Variants in TRIM38 observed in about 807,000 individuals in gnomAD.
TRIM38 encodes the protein tripartite motif containing 38, also known as E3 ubiquitin-protein ligase TRIM38.
TRIM38 carries 35 observed loss-of-function variants against 35.8 expected under a neutral mutation model. The ratio of observed to expected loss-of-function variants is 0.98; its 90% confidence interval spans 0.75 to 1.30. TRIM38 has a LOEUF of 1.30. Ranked by LOEUF, TRIM38 falls within the 50% of genes most tolerant of loss-of-function variation. TRIM38 has a pLI of 0.00. For missense variants in TRIM38, 545 were observed against 556.9 expected, an observed-to-expected ratio of 0.98 and a Z score of 0.21; for synonymous variants, 198 against 204.7, an observed-to-expected ratio of 0.97 and a Z score of 0.28.
At chr6:25,974,775 A>C in intron 7 of TRIM38, 2 of 621,796 alleles carry the variant, frequency 3.2e-6, no homozygotes, top group Non-Finnish European at 4.0e-6. Context: ...TTCTAAACTA[A>C]TTTGAATGGC....
At chr6:25,978,736 G>A (rs1184321348) in intron 7 of TRIM38, among the ~76,000 whole-genome samples, 1 of 151,844 alleles carries the variant, frequency 6.6e-6, no homozygotes, top group Non-Finnish European at 1.5e-5. Flanking sequence ...GCGCAATCTC[G>A]ACTCACTGCA....
In TRIM38 at chr6:25,983,553, G is replaced by GT; in HGVS notation, c.1266dup (p.Val423CysfsTer5). 6.2e-7 allele frequency: 1 copy of GT among 1,614,066 alleles called. No individual in the cohort carries two copies. Among genetic ancestry groups the GT allele is most frequent in the African/African-American group, 1.3e-5 (1 of 75,002 alleles). On this transcript the variant is annotated frameshift_variant, in exon 8 of 8. Coordinates refer to ENST00000357085, the MANE Select transcript of TRIM38 (RefSeq NM_006355.5). LOFTEE classifies it low-confidence loss of function (END_TRUNC). ...AATTTTTCTGGACTATGAGGCCGGA[G>GT]TTGTATCCTTTTATAACGGGAATAC...
chr6:25,965,091 G>T (rs1406517812), intron 2 of TRIM38, among the ~76,000 whole-genome samples: 1 of 152,192 alleles, frequency 6.6e-6, no homozygotes, highest in African/African-American at 2.4e-5. Context: ...AGGATTACAG[G>T]CGTGAGCCAC....
Position 25,973,079 on chromosome 6 carries a change from A to G in TRIM38, c.761+3A>G, listed in dbSNP as rs368272084. The G allele has an allele frequency of 1.3e-5, 21 of 1,614,052 alleles. No individual in the cohort carries two copies. The East Asian group carries it at 1.3e-4, about 10-fold the overall frequency. On this transcript the variant is annotated splice_donor_region_variant and intron_variant, in intron 6 of 7. Coordinates refer to ENST00000357085, the MANE Select transcript of TRIM38 (RefSeq NM_006355.5). ...AATGTGAATGACACTTTGAGCAGGTAAGTCCTGTTTGAATGCAGGAGGGGA... is the reference window on the plus strand; with the variant it reads ...AATGTGAATGACACTTTGAGCAGGTGAGTCCTGTTTGAATGCAGGAGGGGA...
chr6:25,987,088 T>G lies in TRIM38; in HGVS notation c.*3401T>G, dbSNP rs1454131852. Reference sequence around the variant, plus strand: ...CATATTAAAAAACAGAGAAGGGACATCGAATAGATGACCAACAATCTCCTT... The same window carrying G: ...CATATTAAAAAACAGAGAAGGGACAGCGAATAGATGACCAACAATCTCCTT... On this transcript the variant is annotated 3_prime_UTR_variant, in exon 8 of 8. Transcript: ENST00000357085. The G allele has an allele frequency of 6.6e-6, 1 of 151,898 alleles. No individual in the cohort carries two copies. The highest frequency in any genetic ancestry group is 1.5e-5 in the Non-Finnish European group (1 of 68,032). The allele number at this position is 151,898 out of a possible 1,614,324, so 9.4% of individuals were successfully genotyped here. A position where few individuals can be genotyped will look rare whatever the true frequency, so the allele number is the denominator to read the frequency against.
chr6:25,989,584 C>T lies in TRIM38; in HGVS notation c.*5897C>T, dbSNP rs1760794311. 7.0e-6 allele frequency: 1 copy of T among 143,796 alleles called. No homozygotes were observed. The highest frequency in any genetic ancestry group is 1.5e-5 in the Non-Finnish European group (1 of 66,140). 8.9% of individuals were successfully genotyped at this position (143,796 alleles called of 1,614,324 possible). ...GCCCAGGCTGGTCTCGAACTCCAGG[C>T]CTAAAATGATCCTCCTGCCTTGGCC... On this transcript the variant is annotated 3_prime_UTR_variant, in exon 8 of 8. Transcript: ENST00000357085.
intron 7 of TRIM38, among the ~76,000 whole-genome samples, chr6:25,978,663 G>A (rs939772558): frequency 6.6e-6 from 1 of 151,968 alleles, no homozygotes; most frequent in African/African-American, 2.4e-5. Context: ...ACCATACCTG[G>A]CTAATTTTTT....
At position 25,988,819 on chromosome 6, in the gene TRIM38, C is replaced by G. The variant is rs1268119844; in HGVS notation, c.*5132C>G. The G allele has an allele frequency of 6.6e-6, 1 of 152,172 alleles. No individual in the cohort carries two copies. Among genetic ancestry groups the G allele is most frequent in the Non-Finnish European group, 1.5e-5 (1 of 68,028 alleles). The allele number at this position is 152,172 out of a possible 1,614,324, so 9.4% of individuals were successfully genotyped here. A position where few individuals can be genotyped will look rare whatever the true frequency, so the allele number is the denominator to read the frequency against. ...TATCCACTTACCTACTGAAAGACAT[C>G]TTGTTTCCAAGTTTTGGATAAATTA... On this transcript the variant is annotated 3_prime_UTR_variant, in exon 8 of 8. Transcript: ENST00000357085.
In TRIM38 at chr6:25,971,974, G is replaced by C. The variant is rs138419533; in HGVS notation, c.613G>C (p.Glu205Gln). Residue 205 changes from glutamate to glutamine, a missense_variant, in exon 5 of 8, where the codon GAA (glutamate) becomes CAA (glutamine). Transcript: ENST00000357085. Reference sequence around the variant, plus strand: ...TTATCTCTGGAGGCTGGAGAAAGAAGAACAACAGACTCTGAGTAGACTGAG... The same window carrying C: ...TTATCTCTGGAGGCTGGAGAAAGAACAACAACAGACTCTGAGTAGACTGAG... ...KSYLWRLEKE[E>Q]QQTLSRLRDY... The C allele has an allele frequency of 3.1e-6, 5 of 1,614,042 alleles. No homozygotes were observed. Among genetic ancestry groups the C allele is most frequent in the Non-Finnish European group, 4.2e-6 (5 of 1,180,034 alleles).
chr6:25,980,409 T>G (rs889907587), intron 7 of TRIM38, among the ~76,000 whole-genome samples: 1 of 151,856 alleles, frequency 6.6e-6, no homozygotes, highest in African/African-American at 2.4e-5. Context: ...TTTAGGTGAC[T>G]CCTTTCATTC....
chr6:25,976,294 G>T (rs188662638), intron 7 of TRIM38, among the ~76,000 whole-genome samples: 37 of 152,200 alleles, frequency 2.4e-4, no homozygotes, highest in African/African-American at 8.2e-4. Flanking sequence ...TTTAGACAGG[G>T]TCTCACTCTG....
chr6:25,981,441 C>G (rs1188504936), intron 7 of TRIM38, among the ~76,000 whole-genome samples: 3 of 152,214 alleles, frequency 2.0e-5, no homozygotes, highest in Non-Finnish European at 4.4e-5. Context: ...TGTCACAGAC[C>G]AACTGATCAA....
intron 2 of TRIM38, among the ~76,000 whole-genome samples, chr6:25,964,135 A>T (rs1350201911): frequency 6.6e-6 from 1 of 152,166 alleles, no homozygotes; most frequent in Non-Finnish European, 1.5e-5. Flanking sequence ...AAATTTATTA[A>T]CAAGTACATG....
rs1035630696 is a variant in TRIM38, at chr6:25,973,724, A to G, written c.874+439A>G. 6 of 985,332 alleles carry G rather than the reference A, an allele frequency of 6.1e-6. No individual in the cohort carries two copies. The African/African-American group carries it at 1.0e-4, about 17-fold the overall frequency. 61.0% of individuals were successfully genotyped at this position (985,332 alleles called of 1,614,324 possible). On this transcript the variant is annotated intron_variant, in intron 7 of 7. Coordinates refer to ENST00000357085, the MANE Select transcript of TRIM38 (RefSeq NM_006355.5). ...AATAGCTCAGCCAACTCTTAGAGCA[A>G]TGCAAGAAAAGTAGGTGAGTATGAT...
rs1330117569 is a variant in TRIM38 at position 25,987,450 on chromosome 6, G to T, written c.*3763G>T. On this transcript the variant is annotated 3_prime_UTR_variant, in exon 8 of 8. Coordinates refer to ENST00000357085, the MANE Select transcript of TRIM38 (RefSeq NM_006355.5). Reference sequence around the variant, plus strand: ...TAGCTTTCTGGTCTTTTCTTATAAGGGACCAGTCCCATCATGCCCATCATG... The same window carrying T: ...TAGCTTTCTGGTCTTTTCTTATAAGTGACCAGTCCCATCATGCCCATCATG... 6.6e-6 allele frequency: 1 copy of T among 151,974 alleles called. No individual in the cohort carries two copies. The highest frequency in any genetic ancestry group is 1.5e-5 in the Non-Finnish European group (1 of 67,998). The allele number at this position is 151,974 out of a possible 1,614,324, so 9.4% of individuals were successfully genotyped here. A position where few individuals can be genotyped will look rare whatever the true frequency, so the allele number is the denominator to read the frequency against.
chr6:25,962,929 C>A (rs1482764922), intron 1 of TRIM38, 74 bp downstream of exon 1: 1 of 152,564 alleles, frequency 6.6e-6, no homozygotes, highest in African/African-American at 2.4e-5. Context: ...TGAGTGTGTA[C>A]TGATGGCAAG....
In TRIM38 at chr6:25,965,779, G is replaced by A. The variant is rs1055097288; in HGVS notation, c.-188-556G>A. ...CTAAAAATACAAAAATTAGCTGGGC[G>A]TAGTGGTGCACACCTGTAGACCCAG... On this transcript the variant is annotated intron_variant, in intron 2 of 7. Coordinates refer to ENST00000357085, the MANE Select transcript of TRIM38 (RefSeq NM_006355.5). Among the ~76,000 whole-genome samples, 9 of 151,946 alleles carry A rather than the reference G, an allele frequency of 5.9e-5. No individual in the cohort carries two copies. In the South Asian group the frequency reaches 6.2e-4, roughly 11 times the overall value.
rs888288749 is a variant in TRIM38 at position 25,987,896 on chromosome 6, T to A, written c.*4209T>A. ...CTAATCTTTTGACTGTGTCCATAGT[T>A]ACTGTCTTTTCTAGAGTGTCATACA... On this transcript the variant is annotated 3_prime_UTR_variant, in exon 8 of 8. Coordinates refer to ENST00000357085, the MANE Select transcript of TRIM38 (RefSeq NM_006355.5). 6.6e-6 allele frequency: 1 copy of A among 152,214 alleles called. No individual in the cohort carries two copies. Among genetic ancestry groups the A allele is most frequent in the South Asian group, 2.1e-4 (1 of 4,834 alleles). The allele number at this position is 152,214 out of a possible 1,614,324, so 9.4% of individuals were successfully genotyped here. A position where few individuals can be genotyped will look rare whatever the true frequency, so the allele number is the denominator to read the frequency against.
At chr6:25,964,167 A>G (rs975623478) in intron 2 of TRIM38, among the ~76,000 whole-genome samples, 4 of 152,112 alleles carry the variant, frequency 2.6e-5, no homozygotes, top group African/African-American at 7.2e-5. Context: ...CAGAGTGATT[A>G]CCCCCTCTGC....
Sources: gnomAD v4.1 joint callset for allele counts (sites outside exome capture counted in the v4.1 genomes callset) on GRCh38, gnomAD v4.1.1 for gene constraint, MANE v1.5 for transcripts, NCBI Gene and HGNC (gene_info 2026-07-23, HGNC 2026-07-21) for gene names.